Variants in ACTR10 observed in about 807,000 individuals in gnomAD.
ACTR10 encodes actin related protein 10.
Under a neutral mutation model 56.2 loss-of-function variants are expected in ACTR10, and 43 were observed. The ratio of observed to expected loss-of-function variants is 0.77; its 90% CI spans 0.60 to 0.99. The LOEUF is 0.99. ACTR10 is among the 50% of genes least tolerant of loss of function. ACTR10 has a pLI of 0.00. For missense variants in ACTR10, 466 were observed against 507.8 expected, an observed-to-expected ratio of 0.92 and a Z score of 0.79; for synonymous variants, 170 against 176.3, an observed-to-expected ratio of 0.96 and a Z score of 0.28.
chr14:58,223,273 A>C (rs1889320854), intron 8 of ACTR10, among the ~76,000 whole-genome samples: 1 of 152,090 alleles, frequency 6.6e-6, no homozygotes, highest in Admixed American at 6.5e-5. Context: ...AGCAGCTGGG[A>C]TTACAGGCAC....
chr14:58,230,558 T>C, intron 11 of ACTR10, 78 bp downstream of exon 11: 2 of 606,726 alleles, frequency 3.3e-6, no homozygotes, highest in Non-Finnish European at 5.3e-6. Context: ...TTTAGGCAAC[T>C]AGCAATCCTT....
chr14:58,211,918 C>T (rs1474235008), intron 5 of ACTR10, among the ~76,000 whole-genome samples: 11 of 148,280 alleles, frequency 7.4e-5, no homozygotes, highest in Non-Finnish European at 1.5e-4. Context: ...CCAGCCTGGG[C>T]GACAGAGCGA....
At chr14:58,211,260 G>T in intron 4 of ACTR10, 32 bp from the exon 5 acceptor site, 1 of 1,484,172 alleles carries the variant, frequency 6.7e-7, no homozygotes, top group Non-Finnish European at 9.4e-7. Flanking sequence ...CACTCATTCC[G>T]GTTTTGTTGT....
chr14:58,223,297 C>G (rs143126239), intron 8 of ACTR10, among the ~76,000 whole-genome samples: 1 of 152,016 alleles, frequency 6.6e-6, no homozygotes, highest in Non-Finnish European at 1.5e-5. Flanking sequence ...CCACCACGCC[C>G]GGCTAATTTT....
At position 58,223,798 on chromosome 14, in the gene ACTR10, C is replaced by T. The variant is rs775109243; in HGVS notation, c.730C>T (p.Pro244Ser). 2 of 1,613,090 alleles carry T rather than the reference C, an allele frequency of 1.2e-6. No individual in the cohort carries two copies. Among genetic ancestry groups the T allele is most frequent in the Non-Finnish European group, 8.5e-7 (1 of 1,179,342 alleles). Residue 244 changes from proline (P) to serine (S), a missense_variant, in exon 10 of 13, where the codon CCA becomes TCA. Pro to Ser is a moderately conservative substitution (Grantham distance 74, BLOSUM62 -1). Coordinates refer to ENST00000254286, the MANE Select transcript of ACTR10 (RefSeq NM_018477.3). Reference sequence around the variant, plus strand: ...TATATTTCAGCGTCCCTCCCCACCCCCAAATGTTGACTATCCATTAGATGG... The same window carrying T: ...TATATTTCAGCGTCCCTCCCCACCCTCAAATGTTGACTATCCATTAGATGG... Reference protein sequence around the residue: ...DGNNERPSPPPNVDYPLDGEK... With the variant: ...DGNNERPSPPSNVDYPLDGEK...
At position 58,213,711 on chromosome 14, in the gene ACTR10, G is replaced by T. The variant is rs756530469; in HGVS notation, c.518+13G>T. ...AAGCTCTTCACAAGTAAGTTTCTTG[G>T]AATTTAACATATTCATTTCACCTGT... On this transcript the variant is annotated intron_variant, in intron 6 of 12. Transcript: ENST00000254286. 1.2e-6 allele frequency: 2 copies of T among 1,601,610 alleles called. No individual in the cohort carries two copies. The highest frequency in any genetic ancestry group is 1.7e-6 in the Non-Finnish European group (2 of 1,170,994).
intron 7 of ACTR10, among the ~76,000 whole-genome samples, chr14:58,215,899 T>C (rs1889121869): frequency 1.3e-5 from 2 of 152,104 alleles, no homozygotes; most frequent in African/African-American, 4.8e-5. Flanking sequence ...TTTCCTTGTC[T>C]CCCGTTTTAC....
At position 58,232,126 on chromosome 14, in the gene ACTR10, A is replaced by G. The variant is rs191301582; in HGVS notation, c.931A>G (p.Met311Val). ...ENLVVIGGTS[M>V]LPGFLHRLLA... ...TTTGGTAGTCATAGGTGGCACTTCT[A>G]TGTTGCCAGGATTTCTCCACAGATT... Residue 311 changes from methionine to valine, a missense_variant, in exon 12 of 13, where the codon ATG (methionine) becomes GTG (valine). Transcript: ENST00000254286. 4.1e-4 allele frequency: 669 copies of G among 1,613,958 alleles called. 5 individuals carry two copies. Among genetic ancestry groups the G allele is most frequent in the African/African-American group, 2.7e-4 (20 of 75,028 alleles).
At chr14:58,221,697 C>T (rs779321087) in intron 8 of ACTR10, among the ~76,000 whole-genome samples, 1 of 152,084 alleles carries the variant, frequency 6.6e-6, no homozygotes, top group Admixed American at 6.5e-5. Context: ...GCCAAGATCA[C>T]GCCATTGGAC....
At chr14:58,211,529 T>A in intron 5 of ACTR10, 130 bp downstream of exon 5, 1 of 633,034 alleles carries the variant, frequency 1.6e-6, no homozygotes. Context: ...TGAATTACAA[T>A]GTGGAAAAAG....
chr14:58,221,444 T>C (rs2140056712), intron 8 of ACTR10, among the ~76,000 whole-genome samples: 1 of 151,920 alleles, frequency 6.6e-6, no homozygotes, highest in East Asian at 1.9e-4. Flanking sequence ...AATACAAAAA[T>C]TAACCAGGTG....
At chr14:58,221,331 C>T (rs1281904965) in intron 8 of ACTR10, among the ~76,000 whole-genome samples, 1 of 144,034 alleles carries the variant, frequency 6.9e-6, no homozygotes, top group South Asian at 2.3e-4. Flanking sequence ...TAGTGGCTGG[C>T]CCCTGTAATC....
chr14:58,205,907 A>G (rs1027953637), intron 2 of ACTR10, among the ~76,000 whole-genome samples: 1 of 151,804 alleles, frequency 6.6e-6, no homozygotes, highest in African/African-American at 2.4e-5. Flanking sequence ...CTGTGGTCCC[A>G]GCTACTCGGG....
At chr14:58,211,584 T>C (rs1888997242) in intron 5 of ACTR10, among the ~76,000 whole-genome samples, 185 bp downstream of exon 5, 1 of 152,210 alleles carries the variant, frequency 6.6e-6, no homozygotes, top group Non-Finnish European at 1.5e-5. Flanking sequence ...TAGAAGTTAT[T>C]ATTGTTTGGT....
At chr14:58,204,363 G>A (rs1341708003) in intron 2 of ACTR10, among the ~76,000 whole-genome samples, 2 of 151,892 alleles carry the variant, frequency 1.3e-5, no homozygotes, top group African/African-American at 2.4e-5. Context: ...CAGCCTGGGC[G>A]ACAGAGCGAG....
chr14:58,231,893 A>G (rs1889544132), intron 11 of ACTR10, among the ~76,000 whole-genome samples, 173 bp from the exon 12 acceptor site: 1 of 152,128 alleles, frequency 6.6e-6, no homozygotes, highest in African/African-American at 2.4e-5. Flanking sequence ...TATTTGCTAC[A>G]TGAAAGAAAC....
At chr14:58,229,837 A>T (rs973259594) in intron 10 of ACTR10, among the ~76,000 whole-genome samples, 13 of 151,994 alleles carry the variant, frequency 8.6e-5, no homozygotes, top group South Asian at 2.1e-4. Context: ...TATAATTTTT[A>T]AAAAAATATG....
At chr14:58,211,530 G>T in intron 5 of ACTR10, 131 bp downstream of exon 5, 1 of 618,420 alleles carries the variant, frequency 1.6e-6, no homozygotes, top group Non-Finnish European at 2.8e-6. Context: ...GAATTACAAT[G>T]TGGAAAAAGT....
At chr14:58,218,525 T>C (rs983224808) in intron 7 of ACTR10, among the ~76,000 whole-genome samples, 11 of 152,226 alleles carry the variant, frequency 7.2e-5, no homozygotes, top group African/African-American at 2.6e-4. Context: ...TCTAAACTTA[T>C]ACTTACTAAA....
Sources: gnomAD v4.1 joint callset for allele counts (sites outside exome capture counted in the v4.1 genomes callset) on GRCh38, gnomAD v4.1.1 for gene constraint, MANE v1.5 for transcripts, NCBI Gene and HGNC (gene_info 2026-07-23, HGNC 2026-07-21) for gene names.